SP110: variants seen among roughly 807,000 people sequenced by gnomAD.
SP110 encodes interferon-induced protein 41, 30kD.
A neutral mutation model predicts 92.7 loss-of-function variants in SP110; 62 were observed. The ratio of observed to expected loss-of-function variants is 0.67; its 90% CI spans 0.55 to 0.83. The LOEUF is 0.83. SP110 is among the 40% of genes least tolerant of loss of function. The probability of loss-of-function intolerance (pLI) is 0.00; values close to 1 mark genes in which losing one functional copy is unlikely to be tolerated. For missense variants in SP110, 793 were observed against 863.9 expected, an observed-to-expected ratio of 0.92 and a Z score of 1.03; for synonymous variants, 273 against 305.3, an observed-to-expected ratio of 0.89 and a Z score of 1.10.
At chr2:230,183,246 G>T (rs1216572683) in intron 12 of SP110, among the ~76,000 whole-genome samples, 2 of 152,170 alleles carry the variant, frequency 1.3e-5, no homozygotes, top group Non-Finnish European at 2.9e-5. Flanking sequence ...TTGAATAAGG[G>T]TTTCCTTTAA....
rs76553410 is a variant in SP110, at chr2:230,210,667, C to T, written c.752-659G>A. 3.7e-3 allele frequency among the ~76,000 whole-genome samples: 562 copies of T among 152,282 alleles called. 3 individuals carry two copies. The highest frequency in any genetic ancestry group is 0.013 in the African/African-American group (524 of 41,552). ...TATAAAGCTCTGCTAGTTTTTGCTG[C>T]ACAAAGAAAGACAGAGAACTTGAAG... On this transcript the variant is annotated intron_variant, in intron 6 of 18. Coordinates refer to ENST00000258381, the MANE Select transcript of SP110 (RefSeq NM_080424.4).
chr2:230,176,901 A>G (rs1353988060), intron 14 of SP110, among the ~76,000 whole-genome samples: 1 of 152,188 alleles, frequency 6.6e-6, no homozygotes, highest in Non-Finnish European at 1.5e-5. Flanking sequence ...TCTGGACCTC[A>G]CTTAGTGATA....
intron 10 of SP110, among the ~76,000 whole-genome samples, chr2:230,187,116 C>T (rs144682140): frequency 2.0e-5 from 3 of 152,260 alleles, no homozygotes; most frequent in African/African-American, 7.2e-5. Context: ...TGCACTCCCA[C>T]CAGCAGTGTA....
chr2:230,174,725 C>A (rs1233565546), intron 14 of SP110, among the ~76,000 whole-genome samples: 1 of 152,246 alleles, frequency 6.6e-6, no homozygotes, highest in South Asian at 2.1e-4. Flanking sequence ...CGCTGCAGGG[C>A]AACCACAAAA....
At chr2:230,194,158 C>T (rs2148809150) in intron 10 of SP110, among the ~76,000 whole-genome samples, 1 of 152,176 alleles carries the variant, frequency 6.6e-6, no homozygotes, top group South Asian at 2.1e-4. Context: ...GAGGGCTTTC[C>T]AAAGCAGTGA....
At chr2:230,196,458 A>T (rs192378751) in intron 10 of SP110, among the ~76,000 whole-genome samples, 1 of 152,140 alleles carries the variant, frequency 6.6e-6, no homozygotes, top group African/African-American at 2.4e-5. Context: ...TAAAAAGAAA[A>T]ATGTATGCAT....
chr2:230,174,321 T>C (rs1465529), intron 14 of SP110: 38,877 of 152,148 alleles, frequency 0.26, 5,162 homozygotes, highest in Non-Finnish European at 0.3. Context: ...AGGAAACACA[T>C]CCTTCATTTG....
chr2:230,221,602 G>T (rs995833529), upstream of SP110: 3 of 1,094,676 alleles, frequency 2.7e-6, no homozygotes, highest in Non-Finnish European at 2.7e-6. Flanking sequence ...AGGAGAGGGT[G>T]CATTGATGCC....
chr2:230,196,595 G>A (rs1287359871), intron 10 of SP110, among the ~76,000 whole-genome samples: 1 of 151,662 alleles, frequency 6.6e-6, no homozygotes, highest in Non-Finnish European at 1.5e-5. Flanking sequence ...ACAATGTGCA[G>A]GTTTGTTACA....
At chr2:230,201,066 G>A (rs1487771710) in intron 9 of SP110, 101 bp from the exon 10 acceptor site, 1 of 887,368 alleles carries the variant, frequency 1.1e-6, no homozygotes, top group African/African-American at 1.6e-5. Flanking sequence ...TTGAGTCTTG[G>A]AGGCTCCAGG....
At chr2:230,210,332 G>T (rs2044329738) in intron 6 of SP110, among the ~76,000 whole-genome samples, 1 of 152,168 alleles carries the variant, frequency 6.6e-6, no homozygotes, top group Non-Finnish European at 1.5e-5. Flanking sequence ...AACTGTGCTG[G>T]GTATCATGAC....
rs561664844 is a variant in SP110 at position 230,168,350 on chromosome 2, C to T, written c.*774G>A. On this transcript the variant is annotated 3_prime_UTR_variant, in exon 19 of 19. Coordinates refer to ENST00000258381, the MANE Select transcript of SP110 (RefSeq NM_080424.4). Reference sequence around the variant, plus strand: ...TGTACAACCTGTATTTCAAGGTAACCGAATACTGTTAAAGAGAAGCTATTT... The same window carrying T: ...TGTACAACCTGTATTTCAAGGTAACTGAATACTGTTAAAGAGAAGCTATTT... The T allele has an allele frequency of 2.0e-5, 3 of 151,488 alleles. No homozygotes were observed. Among genetic ancestry groups the T allele is most frequent in the South Asian group, 2.1e-4 (1 of 4,804 alleles). 9.4% of individuals were successfully genotyped at this position (151,488 alleles called of 1,614,324 possible).
upstream of SP110, among the ~76,000 whole-genome samples, chr2:230,223,059 A>T (rs1249573601): frequency 2.1e-5 from 3 of 144,594 alleles, no homozygotes; most frequent in Admixed American, 2.1e-4. Flanking sequence ...TTTTTTTGAG[A>T]CAGAGTCACG....
chr2:230,172,505 C>T, intron 15 of SP110: 1 of 531,660 alleles, frequency 1.9e-6, no homozygotes. Context: ...CCTCAGGCCT[C>T]CATCAGCCAG....
intron 9 of SP110, among the ~76,000 whole-genome samples, chr2:230,202,075 G>A (rs1268667061): frequency 1.3e-5 from 2 of 152,110 alleles, no homozygotes; most frequent in African/African-American, 2.4e-5. Flanking sequence ...CACAATCAAA[G>A]AGATTTGCAC....
intron 10 of SP110, among the ~76,000 whole-genome samples, chr2:230,192,707 A>G (rs1019981778): frequency 1.3e-5 from 2 of 152,238 alleles, no homozygotes; most frequent in Admixed American, 6.5e-5. Flanking sequence ...CATACTGCCC[A>G]AAGTAATTTA....
intron 18 of SP110, 132 bp from the exon 19 acceptor site, chr2:230,169,369 C>T: frequency 1.4e-6 from 1 of 693,440 alleles, no homozygotes; most frequent in East Asian, 2.8e-5. Flanking sequence ...GGTGCAGTGG[C>T]ACCGTCATGG....
At chr2:230,208,381 T>A (rs897630178) in intron 7 of SP110, among the ~76,000 whole-genome samples, 1 of 152,180 alleles carries the variant, frequency 6.6e-6, no homozygotes, top group Non-Finnish European at 1.5e-5. Flanking sequence ...CTGTGATACA[T>A]GTAATGCAGA....
chr2:230,184,464 G>A (rs1175933974), intron 11 of SP110, among the ~76,000 whole-genome samples: 2 of 152,116 alleles, frequency 1.3e-5, no homozygotes, highest in African/African-American at 2.4e-5. Flanking sequence ...CAGAGATGTC[G>A]CTAAACATCC....
Sources: allele counts gnomAD v4.1 joint callset (sites outside exome capture counted in the v4.1 genomes callset), GRCh38; gene constraint gnomAD v4.1.1; transcripts MANE v1.5; gene names NCBI Gene and HGNC (gene_info 2026-07-23, HGNC 2026-07-21).